The following PAWR variants were observed in gnomAD, a reference collection of about 807,000 sequenced individuals.
PAWR encodes the protein PRKC apoptosis WT1 regulator protein.
In PAWR, 23 loss-of-function variants were observed where a neutral mutation model predicts 32.0. The observed-to-expected ratio is 0.72, with a 90% CI of 0.52 to 1.02. The LOEUF is 1.02. Among genes scored for constraint, PAWR ranks in the 50% least tolerant of loss-of-function variants. The pLI, the probability that PAWR is intolerant of heterozygous loss-of-function variation, is 0.00. For synonymous variants in PAWR, 226 were observed against 187.1 expected (o/e 1.21, Z -1.70); for missense variants, 457 against 437.7 (o/e 1.04, Z -0.39).
At position 79,653,093 on chromosome 12, in the gene PAWR, G is replaced by C. The variant is rs1402379639; in HGVS notation, c.517-31886C>G. ...AGTCTCGCTGTTGTTGCCCGGGCTG[G>C]AGTGCAATGGCATGATCTCAGCTCA... is the stretch of plus-strand genomic sequence containing the variant. On this transcript the variant is annotated intron_variant, in intron 2 of 6. Coordinates refer to ENST00000328827, the MANE Select transcript of PAWR (RefSeq NM_002583.4). Among the ~76,000 whole-genome samples, 5 of 152,268 alleles carry C rather than the reference G, an allele frequency of 3.3e-5. No individual in the cohort carries two copies. The South Asian group carries it at 8.3e-4, about 25-fold the overall frequency.
chr12:79,654,745 A>G (rs1877015427), intron 2 of PAWR, among the ~76,000 whole-genome samples: 1 of 152,206 alleles, frequency 6.6e-6, no homozygotes, highest in East Asian at 1.9e-4. Flanking sequence ...GTGAGCATGT[A>G]GAGAACTACC....
chr12:79,589,536 T>C lies in PAWR; in HGVS notation c.*3071A>G, dbSNP rs546156231. 6.6e-6 allele frequency: 1 copy of C among 152,198 alleles called. No homozygotes were observed. The highest frequency in any genetic ancestry group is 1.9e-4 in the East Asian group (1 of 5,186). 9.4% of individuals were successfully genotyped at this position (152,198 alleles called of 1,614,324 possible). On this transcript the variant is annotated 3_prime_UTR_variant, in exon 7 of 7. Coordinates refer to ENST00000328827, the MANE Select transcript of PAWR (RefSeq NM_002583.4). The stretch of plus-strand genomic sequence containing the variant: ...CTTAATTTTCTATGTTTGAAACTAC[T>C]TGAACAAGTGTGACAGTGCTAATCT...
Position 79,654,417 on chromosome 12 carries a change from T to C in PAWR, c.517-33210A>G, listed in dbSNP as rs1381497335. On this transcript the variant is annotated intron_variant, in intron 2 of 6. Coordinates refer to ENST00000328827, the MANE Select transcript of PAWR (RefSeq NM_002583.4). ...ATTTCTAACACACTGGTTCAAAAGA[T>C]AGCTTTTTTTTTTGTACCCTGTCCA... 4.2e-5 allele frequency among the ~76,000 whole-genome samples: 5 copies of C among 120,228 alleles called. No individual in the cohort carries two copies. The East Asian group carries it at 6.4e-4, about 15-fold the overall frequency. 78.9% of individuals were successfully genotyped at this position (120,228 alleles called of 152,430 possible). A position where few individuals can be genotyped will look rare whatever the true frequency, so the allele number is the denominator to read the frequency against.
At chr12:79,670,161 G>GT (rs904201637) in intron 2 of PAWR, among the ~76,000 whole-genome samples, 2 of 152,064 alleles carry the variant, frequency 1.3e-5, no homozygotes, top group African/African-American at 2.4e-5. Flanking sequence ...TGTTTCTATT[G>GT]TTTTTCCCCC....
intron 2 of PAWR, among the ~76,000 whole-genome samples, chr12:79,684,632 G>A (rs1044802899): frequency 8.6e-5 from 13 of 151,394 alleles, no homozygotes; most frequent in African/African-American, 2.4e-4. Context: ...AAAAAAGAAA[G>A]AAAGAAAAAA....
At chr12:79,606,094 A>C (rs1350073633) in intron 4 of PAWR, among the ~76,000 whole-genome samples, 1 of 152,134 alleles carries the variant, frequency 6.6e-6, no homozygotes, top group South Asian at 2.1e-4. Flanking sequence ...AACAAACAAA[A>C]AAACCCAAGA....
chr12:79,669,285 T>G (rs1459932426), intron 2 of PAWR, among the ~76,000 whole-genome samples: 3 of 152,164 alleles, frequency 2.0e-5, no homozygotes, highest in Non-Finnish European at 2.9e-5. Flanking sequence ...CAAAATAGAT[T>G]TAAGAATTAG....
At chr12:79,647,003 C>T (rs1445549047) in intron 2 of PAWR, among the ~76,000 whole-genome samples, 1 of 151,696 alleles carries the variant, frequency 6.6e-6, no homozygotes, top group Non-Finnish European at 1.5e-5. Flanking sequence ...TGGTGAAACC[C>T]CATCTTTACT....
intron 4 of PAWR, among the ~76,000 whole-genome samples, chr12:79,601,953 T>C (rs1368780743): frequency 6.6e-6 from 1 of 152,202 alleles, no homozygotes; most frequent in African/African-American, 2.4e-5. Context: ...TTTGTATATC[T>C]TACCAGCTGA....
intron 2 of PAWR, among the ~76,000 whole-genome samples, chr12:79,652,400 T>C (rs1043154046): frequency 2.6e-5 from 4 of 152,190 alleles, no homozygotes; most frequent in Non-Finnish European, 4.4e-5. Context: ...TGGCTAAATA[T>C]ACCCTGCAAT....
intron 2 of PAWR, among the ~76,000 whole-genome samples, chr12:79,640,067 G>T (rs1258499864): frequency 6.6e-6 from 1 of 151,962 alleles, no homozygotes; most frequent in Non-Finnish European, 1.5e-5. Flanking sequence ...AACACACCTG[G>T]CTAATTTTTG....
chr12:79,633,538 T>C (rs965924383), intron 2 of PAWR, among the ~76,000 whole-genome samples: 6 of 152,176 alleles, frequency 3.9e-5, no homozygotes, highest in East Asian at 3.9e-4. Flanking sequence ...GTTTTTCTTT[T>C]ATAAACAGCC....
intron 6 of PAWR, among the ~76,000 whole-genome samples, chr12:79,593,121 G>GC (rs1347155222): frequency 6.6e-6 from 1 of 151,966 alleles, no homozygotes; most frequent in African/African-American, 2.4e-5. Context: ...ATCAAAAGGT[G>GC]CAGGTACAAG....
chr12:79,638,887 TA>T, intron 2 of PAWR, among the ~76,000 whole-genome samples: 2 of 14,222 alleles, frequency 1.4e-4, no homozygotes, highest in South Asian at 1.6e-3. Flanking sequence ...TATATATATA[TA>T]TATATATATT....
chr12:79,610,564 T>G (rs919290376), intron 4 of PAWR, among the ~76,000 whole-genome samples: 2 of 152,088 alleles, frequency 1.3e-5, no homozygotes, highest in Non-Finnish European at 2.9e-5. Flanking sequence ...ATCACTCAGT[T>G]GATACTAGCC....
At chr12:79,647,336 T>C (rs1385444616) in intron 2 of PAWR, among the ~76,000 whole-genome samples, 5 of 152,170 alleles carry the variant, frequency 3.3e-5, no homozygotes, top group Admixed American at 6.5e-5. Context: ...CTTTAAAAAA[T>C]TGATACAAAT....
chr12:79,617,255 G>A (rs966624615), intron 3 of PAWR, among the ~76,000 whole-genome samples: 12 of 152,300 alleles, frequency 7.9e-5, no homozygotes, highest in African/African-American at 2.6e-4. Context: ...GGGAGGCTGA[G>A]ACAGGAGAAT....
At chr12:79,671,689 C>T (rs1455757640) in intron 2 of PAWR, among the ~76,000 whole-genome samples, 1 of 151,536 alleles carries the variant, frequency 6.6e-6, no homozygotes, top group African/African-American at 2.4e-5. Flanking sequence ...ATTAAATAAG[C>T]TTATACATGT....
chr12:79,605,234 T>C (rs1055214046), intron 4 of PAWR, among the ~76,000 whole-genome samples: 6 of 152,250 alleles, frequency 3.9e-5, no homozygotes, highest in East Asian at 1.9e-4. Flanking sequence ...ATTTAAGTTG[T>C]TGCAGTTAGG....
Sources: allele counts gnomAD v4.1 joint callset (sites outside exome capture counted in the v4.1 genomes callset), GRCh38; gene constraint gnomAD v4.1.1; transcripts MANE v1.5; gene names NCBI Gene and HGNC (gene_info 2026-07-23, HGNC 2026-07-21).